Variants in TMC1 observed in about 807,000 individuals in gnomAD.
TMC1 encodes the protein transmembrane channel-like protein 1.
Under a neutral mutation model 105.8 loss-of-function variants are expected in TMC1, and 84 were observed. The ratio of observed to expected loss-of-function variants is 0.79; its 90% CI spans 0.67 to 0.95. The LOEUF (loss-of-function observed/expected upper bound fraction) is 0.95, where lower values mean the gene tolerates loss of function less well. Ranked by LOEUF, TMC1 falls within the 40% of genes least tolerant of loss-of-function variation. The probability of loss-of-function intolerance (pLI) is 0.00; values close to 1 mark genes in which losing one functional copy is unlikely to be tolerated. For missense variants in TMC1, 817 were observed against 914.1 expected, an observed-to-expected ratio of 0.89 and a Z score of 1.37; for synonymous variants, 315 against 311.5, an observed-to-expected ratio of 1.01 and a Z score of -0.12.
Position 72,689,088 on chromosome 9 carries a change from T to G in TMC1, c.64+332T>G, listed in dbSNP as rs560674357. On this transcript the variant is annotated intron_variant, in intron 6 of 23. Coordinates refer to ENST00000297784, the MANE Select transcript of TMC1 (RefSeq NM_138691.3). ...ATGAAGACCCAAAGATAGAGAAAAT[T>G]GTCCATTTTTATGCTTAGGTTCAAC... Among the ~76,000 whole-genome samples, 10 of 152,286 alleles carry G rather than the reference T, an allele frequency of 6.6e-5. No homozygotes were observed. In the South Asian group the frequency reaches 2.1e-3, roughly 32 times the overall value.
In TMC1 at chr9:72,788,411, C is replaced by A. The variant is rs750432713; in HGVS notation, c.957C>A (p.Thr319=). 1 of 1,613,944 alleles carries A rather than the reference C, an allele frequency of 6.2e-7. No individual in the cohort carries two copies. Among genetic ancestry groups the A allele is most frequent in the South Asian group, 1.1e-5 (1 of 91,076 alleles). Residue 319 remains threonine, a synonymous_variant, in exon 14 of 24, where the codon ACC becomes ACA. Transcript: ENST00000297784. ...NTFNFSWKVF[T]SWDYLIGNPE... ...TCAATTTCAGCTGGAAGGTCTTTACCAGCTGGGACTACCTGATCGGCAATC... is the reference window on the plus strand; with the variant it reads ...TCAATTTCAGCTGGAAGGTCTTTACAAGCTGGGACTACCTGATCGGCAATC...
At chr9:72,819,100 T>A (rs1828832052) in intron 19 of TMC1, among the ~76,000 whole-genome samples, 1 of 152,188 alleles carries the variant, frequency 6.6e-6, no homozygotes, top group South Asian at 2.1e-4. Flanking sequence ...AAGGAACATG[T>A]TCAATGTGGG....
At chr9:72,659,249 G>T (rs1247750282) in intron 5 of TMC1, among the ~76,000 whole-genome samples, 2 of 152,278 alleles carry the variant, frequency 1.3e-5, no homozygotes, top group Admixed American at 6.5e-5. Context: ...AAAATGAGGT[G>T]GTTCCTGCAA....
chr9:72,529,843 T>C (rs1275071586), intron 1 of TMC1, among the ~76,000 whole-genome samples: 3 of 152,142 alleles, frequency 2.0e-5, no homozygotes, highest in Admixed American at 1.3e-4. Context: ...TGCAGCTAGA[T>C]AAAAATTTCT....
chr9:72,705,210 C>T (rs915253519), intron 8 of TMC1, among the ~76,000 whole-genome samples: 1 of 152,160 alleles, frequency 6.6e-6, no homozygotes, highest in African/African-American at 2.4e-5. Context: ...CTACTTATTA[C>T]TTGTCTTGAA....
chr9:72,669,298 G>GTT (rs1826091674), intron 5 of TMC1, among the ~76,000 whole-genome samples: 1 of 151,944 alleles, frequency 6.6e-6, no homozygotes, highest in Non-Finnish European at 1.5e-5. Flanking sequence ...GAAAGAGTAA[G>GTT]ACTCTATCTA....
intron 2 of TMC1, among the ~76,000 whole-genome samples, chr9:72,593,678 C>T (rs1193779931): frequency 6.6e-6 from 1 of 151,518 alleles, no homozygotes; most frequent in Non-Finnish European, 1.5e-5. Context: ...AGGCATGAGC[C>T]CCCGTGCCCA....
rs192849032 is a variant in TMC1 at position 72,708,303 on chromosome 9, G to T, written c.362+7660G>T. ...TTTTTTTTCTAGTTCTATGAAGAAT[G>T]ATGGTGGTATTTTGATGAGAATTGC... On this transcript the variant is annotated intron_variant, in intron 8 of 23. Coordinates refer to ENST00000297784, the MANE Select transcript of TMC1 (RefSeq NM_138691.3). Among the ~76,000 whole-genome samples the T allele has an allele frequency of 3.1e-4, 47 of 152,270 alleles. No homozygotes were observed. In the East Asian group the frequency reaches 8.7e-3, roughly 28 times the overall value.
chr9:72,793,402 T>G (rs1828309255), intron 17 of TMC1, among the ~76,000 whole-genome samples: 1 of 152,208 alleles, frequency 6.6e-6, no homozygotes, highest in Non-Finnish European at 1.5e-5. Context: ...CCATCATCTT[T>G]GCTGTTTGGT....
chr9:72,535,386 C>T (rs1587942871), intron 1 of TMC1, among the ~76,000 whole-genome samples: 1 of 152,302 alleles, frequency 6.6e-6, no homozygotes, highest in East Asian at 1.9e-4. Context: ...TGATCCTGAC[C>T]TACATGTCCT....
chr9:72,552,487 T>C (rs1352313919), intron 1 of TMC1, among the ~76,000 whole-genome samples: 3 of 152,160 alleles, frequency 2.0e-5, no homozygotes, highest in Non-Finnish European at 4.4e-5. Context: ...TGGAGTGGGC[T>C]GCAAACACTG....
intron 6 of TMC1, among the ~76,000 whole-genome samples, chr9:72,689,554 C>G (rs1311954358): frequency 6.6e-6 from 1 of 151,878 alleles, no homozygotes; most frequent in East Asian, 1.9e-4. Flanking sequence ...TTGAAGTTTC[C>G]TACTATAATT....
intron 3 of TMC1, among the ~76,000 whole-genome samples, chr9:72,622,465 GTTC>G (rs1301502071): frequency 2.7e-4 from 41 of 152,252 alleles, no homozygotes; most frequent in African/African-American, 8.4e-4. Context: ...TGCCTTTACT[GTTC>G]TTCTTCCTCA....
rs727504470 is a variant in TMC1 at position 72,751,871 on chromosome 9, C to A, written c.557C>A (p.Ala186Asp). 1 of 1,612,372 alleles carries A rather than the reference C, an allele frequency of 6.2e-7. No homozygotes were observed. Among genetic ancestry groups the A allele is most frequent in the Admixed American group, 1.7e-5 (1 of 60,026 alleles). Reference protein sequence around the residue: ...AIESQFGSSVASYFLFLRWMY... With the variant: ...AIESQFGSSVDSYFLFLRWMY... ...ATAGGTCAGTTTGGCTCCTCAGTGG[C>A]CTCATACTTCCTCTTCTTGAGATGG... Residue 186 changes from alanine to aspartate, a missense_variant, in exon 11 of 24, where the codon GCC becomes GAC. Transcript: ENST00000297784.
At chr9:72,816,271 A>G in intron 19 of TMC1, 61 bp downstream of exon 19, 1 of 1,487,774 alleles carries the variant, frequency 6.7e-7, no homozygotes, top group Non-Finnish European at 9.4e-7. Context: ...ATTTTTGCAT[A>G]CAGCATTGAA....
At chr9:72,548,980 C>T (rs375801163) in intron 1 of TMC1, among the ~76,000 whole-genome samples, 2 of 152,180 alleles carry the variant, frequency 1.3e-5, no homozygotes, top group Admixed American at 6.5e-5. Context: ...ATATTTCTAA[C>T]GCCTTGCACA....
chr9:72,697,967 A>G (rs534498564), intron 7 of TMC1, among the ~76,000 whole-genome samples: 1 of 152,242 alleles, frequency 6.6e-6, no homozygotes, highest in East Asian at 1.9e-4. Flanking sequence ...CATGGAAACA[A>G]TTGTGATCAT....
At chr9:72,577,689 T>G in intron 1 of TMC1, 1 of 152,122 alleles carries the variant, frequency 6.6e-6, no homozygotes, top group East Asian at 1.9e-4. Flanking sequence ...AGTGTTTTTT[T>G]TTTAGTATCC....
chr9:72,683,277 C>T (rs1826316935), intron 5 of TMC1, among the ~76,000 whole-genome samples: 1 of 132,702 alleles, frequency 7.5e-6, no homozygotes, highest in South Asian at 2.4e-4. Flanking sequence ...GATTGATTTA[C>T]TTTTTGTTTG....
Sources: allele counts gnomAD v4.1 joint callset (sites outside exome capture counted in the v4.1 genomes callset), GRCh38; gene constraint gnomAD v4.1.1; transcripts MANE v1.5; gene names NCBI Gene and HGNC (gene_info 2026-07-23, HGNC 2026-07-21).